Variants in GPHN observed in about 807,000 individuals in gnomAD.
GPHN encodes the protein gephyrin.
A neutral mutation model predicts 95.5 loss-of-function variants in GPHN; 17 were observed. The observed-to-expected ratio is 0.18, with a 90% CI of 0.12 to 0.27. GPHN has a LOEUF of 0.27. Ranked by LOEUF, GPHN falls within the 10% of genes least tolerant of loss-of-function variation. The probability of loss-of-function intolerance (pLI) is 1.00; values close to 1 mark genes in which losing one functional copy is unlikely to be tolerated. For synonymous variants in GPHN, 320 were observed against 322.5 expected (o/e 0.99, Z 0.08); for missense variants, 660 against 978.1 (o/e 0.67, Z 4.34).
At chr14:66,886,156 A>G (rs2064177371) in intron 5 of GPHN, among the ~76,000 whole-genome samples, 1 of 152,150 alleles carries the variant, frequency 6.6e-6, no homozygotes, top group African/African-American at 2.4e-5. Context: ...TAAAAAAAGA[A>G]TCAATCAGGC....
rs185716910 is a variant in GPHN, at chr14:66,760,133, C to A, written c.144-16331C>A. Among the ~76,000 whole-genome samples, 876 of 152,170 alleles carry A rather than the reference C, an allele frequency of 5.8e-3. 4 individuals are homozygous for A. The highest frequency in any genetic ancestry group is 8.5e-3 in the Non-Finnish European group (577 of 68,002). On this transcript the variant is annotated intron_variant, in intron 2 of 22. Transcript: ENST00000478722. ...TTATTCATTTACTACCCATTTCCCC[C>A]GGTAGAATGTAAGATCCATGAATAC...
chr14:66,712,486 C>T (rs1156811381), intron 2 of GPHN, among the ~76,000 whole-genome samples: 1 of 152,044 alleles, frequency 6.6e-6, no homozygotes, highest in Non-Finnish European at 1.5e-5. Context: ...GATGTTAGCC[C>T]TTTGTCAGAT....
the GPHN span, chr14:67,660,052 G>C: frequency 1.1e-6 from 1 of 941,524 alleles, no homozygotes; most frequent in African/African-American, 1.7e-5. Flanking sequence ...TATGCTCCAT[G>C]AGGCAGGGAC....
intron 2 of GPHN, among the ~76,000 whole-genome samples, chr14:66,767,065 T>A (rs1281609995): frequency 6.6e-6 from 1 of 152,102 alleles, no homozygotes; most frequent in Non-Finnish European, 1.5e-5. Flanking sequence ...TATAAGCTTT[T>A]AATTTTTCAA....
the GPHN span, among the ~76,000 whole-genome samples, chr14:67,442,336 G>T: frequency 6.6e-6 from 1 of 152,124 alleles, no homozygotes; most frequent in African/African-American, 2.4e-5. Context: ...CAGTGGGTTG[G>T]CCAGAATGGT....
At chr14:67,657,407 A>G in the GPHN span, among the ~76,000 whole-genome samples, 4 of 152,138 alleles carry the variant, frequency 2.6e-5, no homozygotes. Context: ...GGGCTTGAGC[A>G]AGCTTCCCCA....
At chr14:67,429,225 G>A in the GPHN span, among the ~76,000 whole-genome samples, 1 of 150,370 alleles carries the variant, frequency 6.7e-6, no homozygotes, top group African/African-American at 2.5e-5. Flanking sequence ...TGAGGCAAGT[G>A]GACAATTTTT....
At chr14:66,638,651 C>T (rs1204083909) in intron 1 of GPHN, among the ~76,000 whole-genome samples, 1 of 151,966 alleles carries the variant, frequency 6.6e-6, no homozygotes, top group Non-Finnish European at 1.5e-5. Flanking sequence ...TCTTTGTAGT[C>T]TCCTTTTCCA....
At chr14:67,257,419 C>T in the GPHN span, among the ~76,000 whole-genome samples, 1 of 152,102 alleles carries the variant, frequency 6.6e-6, no homozygotes, top group Non-Finnish European at 1.5e-5. Flanking sequence ...GTTTGTCTGA[C>T]ATAGTTCCCA....
At chr14:67,289,548 AATAT>A in the GPHN span, among the ~76,000 whole-genome samples, 30 of 152,202 alleles carry the variant, frequency 2.0e-4, no homozygotes, top group African/African-American at 7.2e-4. Context: ...AGGAAGACTA[AATAT>A]ATATATGTTT....
chr14:67,705,508 C>T, the GPHN span, among the ~76,000 whole-genome samples: 8 of 152,190 alleles, frequency 5.3e-5, no homozygotes, highest in Admixed American at 2.0e-4. Flanking sequence ...GACTGCCAAA[C>T]GTGACCTGTA....
rs899420850 is a variant in GPHN, at chr14:66,920,790, T to G, written c.457-1876T>G. On this transcript the variant is annotated intron_variant, in intron 6 of 22. Transcript: ENST00000478722. ...TAAGTCCCCAAAGTTCATTGTGTCA[T>G]TCCTATGCCTTTGCGTCCTCATAGC... Among the ~76,000 whole-genome samples the G allele has an allele frequency of 2.0e-5, 3 of 152,050 alleles. No individual in the cohort carries two copies. The East Asian group carries it at 5.8e-4, about 29-fold the overall frequency.
At position 67,143,362 on chromosome 14, in the gene GPHN, C is replaced by T; in HGVS notation, c.1749C>T (p.Asn583=). The change falls in exon 18 of 23, where the codon AAC becomes AAT. Residue 583 remains asparagine (N), a splice_region_variant and synonymous_variant. Transcript: ENST00000478722. ...PTINLGIVGD[N]PDDLLNALNE... ...TTTCTTTGTCTTTATTTTTTTCCAG[C>T]CCAGATGACTTACTCAATGCCTTGA... is the stretch of plus-strand genomic sequence containing the variant. 1 of 1,596,828 alleles carries T rather than the reference C, an allele frequency of 6.3e-7. No homozygotes were observed.
chr14:67,386,113 A>C, the GPHN span: 1 of 152,606 alleles, frequency 6.6e-6, no homozygotes, highest in Non-Finnish European at 1.5e-5. Context: ...GAAGCCATCA[A>C]ACTAAACGTA....
the GPHN span, among the ~76,000 whole-genome samples, chr14:67,532,585 T>C: frequency 6.6e-6 from 1 of 152,028 alleles, no homozygotes; most frequent in Non-Finnish European, 1.5e-5. Context: ...GGCCCTCCTT[T>C]AAAATAACAT....
intron 9 of GPHN, among the ~76,000 whole-genome samples, chr14:67,009,895 A>G (rs908179577): frequency 1.3e-5 from 2 of 151,786 alleles, no homozygotes; most frequent in Admixed American, 1.3e-4. Context: ...AGTAGCTGAG[A>G]TTATAGGCGC....
the GPHN span, chr14:67,645,653 G>A: frequency 7.4e-6 from 12 of 1,612,552 alleles, no homozygotes; most frequent in South Asian, 3.3e-5. Context: ...CCTGGCAATC[G>A]GTACCATTAG....
At chr14:66,559,262 G>A (rs1345497492) in intron 1 of GPHN, among the ~76,000 whole-genome samples, 3 of 151,664 alleles carry the variant, frequency 2.0e-5, no homozygotes, top group Admixed American at 2.0e-4. Context: ...CCAGTAATGG[G>A]ATGGCTGGGT....
chr14:67,630,797 C>T, the GPHN span, among the ~76,000 whole-genome samples: 3 of 152,096 alleles, frequency 2.0e-5, no homozygotes, highest in Admixed American at 6.5e-5. Flanking sequence ...CCAGGCTGGT[C>T]TGGTCTGGAA....
Sources: allele counts gnomAD v4.1 joint callset (sites outside exome capture counted in the v4.1 genomes callset), GRCh38; gene constraint gnomAD v4.1.1; transcripts MANE v1.5; gene names NCBI Gene and HGNC (gene_info 2026-07-23, HGNC 2026-07-21).